CCDC171: variants seen among roughly 807,000 people sequenced by gnomAD.
CCDC171 encodes the protein coiled-coil domain-containing protein 171.
In CCDC171, 177 loss-of-function variants were observed where a neutral mutation model predicts 168.2. The observed-to-expected ratio is 1.05, with a 90% CI of 0.93 to 1.19. The LOEUF (loss-of-function observed/expected upper bound fraction) is 1.19. CCDC171 is among the 50% of genes most tolerant of loss of function. CCDC171 has a pLI of 0.00. For synonymous variants in CCDC171, 687 were observed against 540.8 expected (o/e 1.27, Z -3.75); for missense variants, 1,991 against 1,539.0 (o/e 1.29, Z -4.91).
intron 24 of CCDC171, among the ~76,000 whole-genome samples, chr9:15,906,483 T>C (rs1182394928): frequency 6.6e-6 from 1 of 152,200 alleles, no homozygotes; most frequent in Non-Finnish European, 1.5e-5. Context: ...CGCTTCATGC[T>C]AAAAACTCTC....
In CCDC171 at chr9:16,035,801, G is replaced by T. The variant is rs187041000; in HGVS notation, n.1067+276G>T. Among the ~76,000 whole-genome samples, 141 of 152,302 alleles carry T rather than the reference G, an allele frequency of 9.3e-4. 1 individual carries two copies. Among genetic ancestry groups the T allele is most frequent in the Non-Finnish European group, 7.9e-4 (54 of 68,028 alleles). ...CAAATATTTATTCAATATCCACTAT[G>T]TCAGTCACTGGGCTATGTTGTGTGG... On this transcript the variant is annotated intron_variant and non_coding_transcript_variant, in intron 7 of 9. Transcript: ENST00000486641.
At chr9:15,778,633 A>G (rs77221899) in intron 19 of CCDC171, among the ~76,000 whole-genome samples, 41,385 of 118,716 alleles carry the variant, frequency 0.35, 8,855 homozygotes, top group East Asian at 0.63. Context: ...CCTACAGAGT[A>G]AGACTGTCTC....
At chr9:15,765,325 A>G (rs1220990361) in intron 18 of CCDC171, among the ~76,000 whole-genome samples, 1 of 152,112 alleles carries the variant, frequency 6.6e-6, no homozygotes, top group African/African-American at 2.4e-5. Context: ...GGGTAATTCA[A>G]TGTGTTTGTG....
At chr9:15,825,620 A>T (rs886963340) in intron 21 of CCDC171, among the ~76,000 whole-genome samples, 2 of 152,146 alleles carry the variant, frequency 1.3e-5, no homozygotes, top group African/African-American at 4.8e-5. Context: ...AGGATTGCCC[A>T]ACTTCATTAC....
chr9:15,991,530 A>T (rs905582702), intron 3 of CCDC171, among the ~76,000 whole-genome samples: 1 of 151,872 alleles, frequency 6.6e-6, no homozygotes, highest in Non-Finnish European at 1.5e-5. Context: ...CTAGAGAAGC[A>T]AGAGCAAACA....
intron 16 of CCDC171, among the ~76,000 whole-genome samples, chr9:15,743,465 C>A (rs2055039191): frequency 6.6e-6 from 1 of 152,154 alleles, no homozygotes; most frequent in African/African-American, 2.4e-5. Context: ...GCCATTTTGC[C>A]TGTCCCTTCT....
intron 21 of CCDC171, among the ~76,000 whole-genome samples, chr9:15,809,161 A>G (rs1004723893): frequency 6.6e-6 from 1 of 152,208 alleles, no homozygotes; most frequent in Non-Finnish European, 1.5e-5. Flanking sequence ...CATTCAAATC[A>G]TAGCAAGTGG....
chr9:15,940,148 A>G (rs537036086), intron 25 of CCDC171, among the ~76,000 whole-genome samples: 1 of 152,080 alleles, frequency 6.6e-6, no homozygotes, highest in East Asian at 1.9e-4. Flanking sequence ...TAATTTTGCT[A>G]AGAGTGTAAA....
At chr9:16,025,311 G>A (rs978221040) in intron 6 of CCDC171, among the ~76,000 whole-genome samples, 2 of 152,096 alleles carry the variant, frequency 1.3e-5, no homozygotes, top group Non-Finnish European at 2.9e-5. Flanking sequence ...ATGTGGTCAT[G>A]TGCGCCTGTA....
chr9:15,783,343 GT>G (rs2057764588), intron 20 of CCDC171, among the ~76,000 whole-genome samples: 1 of 152,044 alleles, frequency 6.6e-6, no homozygotes, highest in African/African-American at 2.4e-5. Flanking sequence ...TCTGTATTCA[GT>G]TACAATAGTT....
chr9:15,556,805 A>G (rs1231663783), intron 1 of CCDC171, among the ~76,000 whole-genome samples: 1 of 152,016 alleles, frequency 6.6e-6, no homozygotes, highest in Admixed American at 6.6e-5. Context: ...TTAGTCATGA[A>G]GTCCTTGCCC....
chr9:15,667,757 C>G (rs1000269086), intron 9 of CCDC171, among the ~76,000 whole-genome samples: 4 of 152,220 alleles, frequency 2.6e-5, no homozygotes, highest in Non-Finnish European at 5.9e-5. Context: ...AAGATTGCAC[C>G]TGAAAGACTG....
At chr9:15,828,311 A>G (rs566176574) in intron 21 of CCDC171, among the ~76,000 whole-genome samples, 1 of 132,422 alleles carries the variant, frequency 7.6e-6, no homozygotes, top group Admixed American at 8.5e-5. Flanking sequence ...TTTGGAAGGC[A>G]GGAGGTAAAA....
At chr9:15,769,685 C>T (rs939861324) in intron 18 of CCDC171, among the ~76,000 whole-genome samples, 1 of 152,118 alleles carries the variant, frequency 6.6e-6, no homozygotes. Context: ...TCATAGTCTC[C>T]CCCGTACCAA....
chr9:15,979,127 C>G (rs1429033354), intron 3 of CCDC171, among the ~76,000 whole-genome samples: 1 of 152,134 alleles, frequency 6.6e-6, no homozygotes, highest in Non-Finnish European at 1.5e-5. Flanking sequence ...TTTGTTTATT[C>G]ATTCACCATT....
chr9:15,846,560 GAA>G (rs2060902962), intron 21 of CCDC171, 140 bp from the exon 22 acceptor site: 2 of 728,502 alleles, frequency 2.7e-6, no homozygotes, highest in African/African-American at 1.8e-5. Context: ...AATTTTTGCA[GAA>G]AATTTGTTAA....
chr9:15,820,541 C>T (rs1301742894), intron 21 of CCDC171, among the ~76,000 whole-genome samples: 2 of 117,760 alleles, frequency 1.7e-5, no homozygotes, highest in African/African-American at 6.4e-5. Context: ...AAACTACCAT[C>T]AGAGACTGCT....
chr9:16,010,304 T>C (rs1832833755), intron 3 of CCDC171, among the ~76,000 whole-genome samples: 1 of 152,160 alleles, frequency 6.6e-6, no homozygotes, highest in South Asian at 2.1e-4. Context: ...TAATGTTCAA[T>C]AAAATAAAAA....
In CCDC171 at chr9:15,713,366, C is replaced by T. The variant is rs116132641; in HGVS notation, c.1319-8403C>T. On this transcript the variant is annotated intron_variant, in intron 11 of 25. Transcript: ENST00000380701. ...TGGTCATAGAGAACTCTCCATGCAT[C>T]CAAGGTGTGGGTTAAGAGAGAGAAA... Among the ~76,000 whole-genome samples the T allele has an allele frequency of 6.0e-3, 909 of 151,478 alleles. 12 individuals carry two copies. Among genetic ancestry groups the T allele is most frequent in the African/African-American group, 0.021 (879 of 41,294 alleles).
Sources: gnomAD v4.1 joint callset for allele counts (sites outside exome capture counted in the v4.1 genomes callset) on GRCh38, gnomAD v4.1.1 for gene constraint, MANE v1.5 for transcripts, NCBI Gene and HGNC (gene_info 2026-07-23, HGNC 2026-07-21) for gene names.